Variants in WDFY4 observed in about 807,000 individuals in gnomAD.
WDFY4 encodes WD repeat- and FYVE domain-containing protein 4.
A neutral mutation model predicts 351.9 loss-of-function variants in WDFY4; 169 were observed. The ratio of observed to expected loss-of-function variants is 0.48; its 90% CI spans 0.42 to 0.55. WDFY4 has a LOEUF of 0.55. WDFY4 is among the 20% of genes least tolerant of loss of function. WDFY4 has a pLI of 0.00. For missense variants in WDFY4, 3,803 were observed against 3,935.6 expected (o/e 0.97, Z 0.90); for synonymous variants, 1,622 against 1,574.6 (o/e 1.03, Z -0.71).
intron 43 of WDFY4, 141 bp downstream of exon 43, chr10:48,877,340 T>A: frequency 1.2e-6 from 1 of 819,242 alleles, no homozygotes; most frequent in Non-Finnish European, 1.8e-6. Flanking sequence ...CAATAATCAG[T>A]GAAAAAAGGG....
At chr10:48,790,475 C>T (rs776531775) in intron 22 of WDFY4, among the ~76,000 whole-genome samples, 31 of 152,136 alleles carry the variant, frequency 2.0e-4, no homozygotes, top group Non-Finnish European at 4.4e-4. Context: ...AGGCAGAGGG[C>T]GGCAATCTGA....
intron 43 of WDFY4, among the ~76,000 whole-genome samples, chr10:48,879,651 G>A (rs2070168085): frequency 6.6e-6 from 1 of 152,216 alleles, no homozygotes; most frequent in East Asian, 1.9e-4. Flanking sequence ...GGGGCCTCAT[G>A]TCTTTCCAGA....
intron 23 of WDFY4, among the ~76,000 whole-genome samples, chr10:48,795,147 C>T (rs2066813917): frequency 6.6e-6 from 1 of 152,020 alleles, no homozygotes. Flanking sequence ...ATCGGAGACT[C>T]TGCTTGTGAC....
At chr10:48,777,294 G>A in intron 16 of WDFY4, 125 bp from the exon 17 acceptor site, 2 of 931,192 alleles carry the variant, frequency 2.1e-6, no homozygotes, top group Non-Finnish European at 3.4e-6. Flanking sequence ...GGGACCTTAT[G>A]GTCTAAGGAG....
chr10:48,952,658 A>G (rs887968119), intron 51 of WDFY4, among the ~76,000 whole-genome samples: 1 of 152,150 alleles, frequency 6.6e-6, no homozygotes, highest in African/African-American at 2.4e-5. Flanking sequence ...AGTGTCCCCT[A>G]CGTGCCCACC....
At chr10:48,867,678 C>A (rs1264106272) in intron 40 of WDFY4, among the ~76,000 whole-genome samples, 2 of 152,232 alleles carry the variant, frequency 1.3e-5, no homozygotes, top group Non-Finnish European at 2.9e-5. Flanking sequence ...AATAAGTCTT[C>A]CTACCTGTGA....
intron 44 of WDFY4, among the ~76,000 whole-genome samples, chr10:48,896,466 T>A (rs1156907952): frequency 6.6e-6 from 1 of 151,920 alleles, no homozygotes; most frequent in Non-Finnish European, 1.5e-5. Context: ...CCTGAAGAGC[T>A]CCCTGGTTTG....
intron 15 of WDFY4, among the ~76,000 whole-genome samples, chr10:48,776,322 C>T (rs987133492): frequency 3.3e-5 from 5 of 152,158 alleles, no homozygotes; most frequent in African/African-American, 1.2e-4. Context: ...AGTGGAGAAG[C>T]AAGGGTGCGG....
At chr10:48,846,542 G>C (rs532904153) in intron 39 of WDFY4, among the ~76,000 whole-genome samples, 1 of 152,360 alleles carries the variant, frequency 6.6e-6, no homozygotes, top group East Asian at 1.9e-4. Flanking sequence ...GCTGAAAAGA[G>C]ACTGCTAGGA....
intron 12 of WDFY4, among the ~76,000 whole-genome samples, chr10:48,749,259 T>C (rs1302681368): frequency 6.6e-6 from 1 of 152,032 alleles, no homozygotes; most frequent in African/African-American, 2.4e-5. Context: ...ACATCATATA[T>C]CTCTATGAAA....
chr10:48,787,945 CTTCTTCTT>C (rs1565199137), intron 20 of WDFY4, among the ~76,000 whole-genome samples: 30 of 104,090 alleles, frequency 2.9e-4, no homozygotes, highest in South Asian at 7.1e-4. Flanking sequence ...TCTTCTTCTT[CTTCTTCTT>C]CTTCTTCTTC....
chr10:48,807,749 T>C (rs1156929055), intron 27 of WDFY4, 110 bp from the exon 28 acceptor site: 2 of 1,266,454 alleles, frequency 1.6e-6, no homozygotes, highest in Admixed American at 4.4e-5. Context: ...GTCCCAGCCA[T>C]GCCACAATTC....
intron 23 of WDFY4, among the ~76,000 whole-genome samples, chr10:48,795,795 C>T (rs2132789065): frequency 6.6e-6 from 1 of 151,956 alleles, no homozygotes; most frequent in East Asian, 1.9e-4. Flanking sequence ...CTTGGTGGGA[C>T]CCATCTTCTT....
intron 2 of WDFY4, among the ~76,000 whole-genome samples, chr10:48,718,226 T>C (rs1272015095): frequency 2.6e-5 from 4 of 152,250 alleles, no homozygotes; most frequent in African/African-American, 9.6e-5. Context: ...TTTGCTTTTT[T>C]CTCGTCTATT....
At chr10:48,698,618 T>C (rs998691913) in intron 1 of WDFY4, among the ~76,000 whole-genome samples, 5 of 152,160 alleles carry the variant, frequency 3.3e-5, no homozygotes, top group South Asian at 2.1e-4. Flanking sequence ...GGATTGAAGG[T>C]GTGGGGTTTA....
At chr10:48,703,130 A>T (rs1471446018) in intron 1 of WDFY4, among the ~76,000 whole-genome samples, 1 of 152,240 alleles carries the variant, frequency 6.6e-6, no homozygotes, top group African/African-American at 2.4e-5. Flanking sequence ...GGAAGCAAGC[A>T]CTAGCCCCAC....
intron 43 of WDFY4, 50 bp from the exon 44 acceptor site, chr10:48,890,529 A>G (rs1019199639): frequency 6.5e-7 from 1 of 1,549,910 alleles, no homozygotes; most frequent in African/African-American, 1.4e-5. Context: ...CCCAAGAATC[A>G]TGGGCATGCT....
At chr10:48,765,575 A>G (rs767201741) in intron 13 of WDFY4, among the ~76,000 whole-genome samples, 4 of 152,234 alleles carry the variant, frequency 2.6e-5, no homozygotes, top group Non-Finnish European at 5.9e-5. Context: ...CATTATAACA[A>G]CCGTGCATGG....
intron 26 of WDFY4, 80 bp from the exon 27 acceptor site, chr10:48,805,924 T>A: frequency 8.3e-7 from 1 of 1,200,700 alleles, no homozygotes; most frequent in South Asian, 1.3e-5. Flanking sequence ...TGGGTGGGTC[T>A]ATGTGAAAAC....
Sources: allele counts gnomAD v4.1 joint callset (sites outside exome capture counted in the v4.1 genomes callset), GRCh38; gene constraint gnomAD v4.1.1; transcripts MANE v1.5; gene names NCBI Gene and HGNC (gene_info 2026-07-23, HGNC 2026-07-21).